VTI1A: variants seen among roughly 807,000 people sequenced by gnomAD.
The protein encoded by VTI1A is vesicle transport through interaction with t-SNAREs 1A.
A neutral mutation model predicts 34.9 loss-of-function variants in VTI1A; 22 were observed. That is an observed-to-expected ratio of 0.63 (90% CI 0.45 to 0.90). The LOEUF (loss-of-function observed/expected upper bound fraction) is 0.90, where lower values mean the gene tolerates loss of function less well. Ranked by LOEUF, VTI1A falls within the 40% of genes least tolerant of loss-of-function variation. The pLI is 0.00. For missense variants in VTI1A, 268 were observed against 275.6 expected, an observed-to-expected ratio of 0.97 and a Z score of 0.20; for synonymous variants, 87 against 97.3, an observed-to-expected ratio of 0.89 and a Z score of 0.62.
chr10:112,621,919 A>G (rs537087864), intron 5 of VTI1A, among the ~76,000 whole-genome samples: 143 of 152,238 alleles, frequency 9.4e-4, no homozygotes, highest in African/African-American at 3.4e-3. Context: ...GCATCTGTCC[A>G]CCGTCCTTGG....
rs1851628801 is a variant in VTI1A at position 112,765,752 on chromosome 10, A to G, written c.561-49538A>G. Among the ~76,000 whole-genome samples the G allele has an allele frequency of 2.0e-5, 3 of 152,160 alleles. No individual in the cohort carries two copies. In the South Asian group the frequency reaches 6.2e-4, roughly 32 times the overall value. On this transcript the variant is annotated intron_variant, in intron 7 of 7. Transcript: ENST00000393077. ...GTGCAGTGGAACTAGATGATAAGTA[A>G]GTGGTTCTCAAACTTTAGCAGGCAC...
intron 5 of VTI1A, among the ~76,000 whole-genome samples, chr10:112,571,787 A>C (rs1852133667): frequency 6.6e-6 from 1 of 152,220 alleles, no homozygotes; most frequent in Non-Finnish European, 1.5e-5. Context: ...GTATACGTAC[A>C]CTGTGGAATA....
chr10:112,564,132 T>A (rs80059457), intron 5 of VTI1A, among the ~76,000 whole-genome samples: 1 of 151,702 alleles, frequency 6.6e-6, no homozygotes. Context: ...TTTTTTTTTT[T>A]AATTGACAAA....
intron 5 of VTI1A, among the ~76,000 whole-genome samples, chr10:112,581,160 A>T (rs1333462077): frequency 1.3e-5 from 2 of 152,080 alleles, no homozygotes; most frequent in Non-Finnish European, 2.9e-5. Context: ...CAGGGAGGAG[A>T]GTGTAGTCCA....
At chr10:112,502,869 C>A (rs183258000) in intron 3 of VTI1A, among the ~76,000 whole-genome samples, 82 of 152,252 alleles carry the variant, frequency 5.4e-4, no homozygotes, top group African/African-American at 1.8e-3. Context: ...ACTTTGACTT[C>A]TTTTTCATTA....
In VTI1A at chr10:112,548,469, T is replaced by C. The variant is rs142788998; in HGVS notation, c.427+10139T>C. On this transcript the variant is annotated intron_variant, in intron 5 of 7. Coordinates refer to ENST00000393077, the MANE Select transcript of VTI1A (RefSeq NM_145206.4). ...GGTCCACAACATTCTCCTTTCCTTCTGAAGGTTTTACGATGCATTGTTATG... is the reference window on the plus strand; with the variant it reads ...GGTCCACAACATTCTCCTTTCCTTCCGAAGGTTTTACGATGCATTGTTATG... Among the ~76,000 whole-genome samples, 6 of 152,344 alleles carry C rather than the reference T, an allele frequency of 3.9e-5. No individual in the cohort carries two copies. The East Asian group carries it at 7.7e-4, about 20-fold the overall frequency.
At chr10:112,465,453 A>C (rs1190651165) in intron 3 of VTI1A, among the ~76,000 whole-genome samples, 1 of 152,226 alleles carries the variant, frequency 6.6e-6, no homozygotes, top group Non-Finnish European at 1.5e-5. Flanking sequence ...AGGTGGAATC[A>C]ACCTAAGCAT....
chr10:112,582,715 T>C (rs1326427446), intron 5 of VTI1A, among the ~76,000 whole-genome samples: 1 of 152,168 alleles, frequency 6.6e-6, no homozygotes, highest in Non-Finnish European at 1.5e-5. Context: ...TATTAATCTA[T>C]AATAGTGATG....
At chr10:112,706,297 A>G (rs1005537247) in intron 7 of VTI1A, among the ~76,000 whole-genome samples, 33 of 152,192 alleles carry the variant, frequency 2.2e-4, no homozygotes, top group Admixed American at 1.6e-3. Context: ...CATCATAGCC[A>G]TAGGGATAAA....
the VTI1A span, chr10:112,826,635 G>C: frequency 6.6e-6 from 1 of 152,212 alleles, no homozygotes; most frequent in Non-Finnish European, 1.5e-5. Context: ...AAAGATGCCA[G>C]CATGAAGGAG....
chr10:112,807,198 C>T (rs971067044), intron 7 of VTI1A, among the ~76,000 whole-genome samples: 3 of 152,104 alleles, frequency 2.0e-5, no homozygotes, highest in African/African-American at 7.2e-5. Flanking sequence ...ACAGTCATCA[C>T]GAAACCCAAG....
intron 5 of VTI1A, among the ~76,000 whole-genome samples, chr10:112,599,237 T>G (rs967632159): frequency 6.6e-6 from 1 of 151,218 alleles, no homozygotes; most frequent in Non-Finnish European, 1.5e-5. Context: ...AAGGCCAGAG[T>G]GAGGTAGGAA....
rs144427507 is a variant in VTI1A at position 112,608,900 on chromosome 10, A to G, written c.428-59318A>G. Among the ~76,000 whole-genome samples the G allele has an allele frequency of 2.1e-3, 318 of 152,274 alleles. 2 individuals are homozygous for G. The highest frequency in any genetic ancestry group is 3.1e-3 in the Admixed American group (47 of 15,294). On this transcript the variant is annotated intron_variant, in intron 5 of 7. Transcript: ENST00000393077. ...TGCTTTTTCACTTCTTTAGTATCTTAATTAGCATGTGTCTGTTCCTGTAGC... is the reference window on the plus strand; with the variant it reads ...TGCTTTTTCACTTCTTTAGTATCTTGATTAGCATGTGTCTGTTCCTGTAGC...
chr10:112,841,778 G>T, the VTI1A span, among the ~76,000 whole-genome samples: 5 of 152,142 alleles, frequency 3.3e-5, no homozygotes, highest in Non-Finnish European at 5.9e-5. Context: ...CAGCATCCCC[G>T]GTGGCATCCA....
At chr10:112,755,695 T>C (rs1851260350) in intron 7 of VTI1A, among the ~76,000 whole-genome samples, 1 of 152,222 alleles carries the variant, frequency 6.6e-6, no homozygotes, top group South Asian at 2.1e-4. Context: ...CAGATAACAT[T>C]AATGAATATA....
intron 5 of VTI1A, among the ~76,000 whole-genome samples, chr10:112,570,641 C>T (rs544440447): frequency 5.3e-5 from 8 of 152,318 alleles, no homozygotes; most frequent in East Asian, 3.9e-4. Context: ...GTGTTGCTCA[C>T]GTAATAGCCA....
At chr10:112,718,641 G>C (rs372930847) in intron 7 of VTI1A, among the ~76,000 whole-genome samples, 3 of 152,142 alleles carry the variant, frequency 2.0e-5, no homozygotes, top group Non-Finnish European at 4.4e-5. Flanking sequence ...GCTCTATTCT[G>C]AAATCCCTTC....
intron 4 of VTI1A, among the ~76,000 whole-genome samples, chr10:112,534,281 A>G (rs549305050): frequency 1.1e-4 from 17 of 152,250 alleles, no homozygotes; most frequent in African/African-American, 3.8e-4. Flanking sequence ...GAATAATTCT[A>G]TTTTTAAAAA....
chr10:112,595,861 C>A (rs541897173), intron 5 of VTI1A, among the ~76,000 whole-genome samples: 228 of 152,126 alleles, frequency 1.5e-3, no homozygotes, highest in Non-Finnish European at 2.4e-3. Flanking sequence ...ACACATGCAC[C>A]CGTATGTTTA....
Sources: allele counts gnomAD v4.1 joint callset (sites outside exome capture counted in the v4.1 genomes callset), GRCh38; gene constraint gnomAD v4.1.1; transcripts MANE v1.5; gene names NCBI Gene and HGNC (gene_info 2026-07-23, HGNC 2026-07-21).